CUX2: variants seen among roughly 807,000 people sequenced by gnomAD.
CUX2 encodes cut like homeobox 2.
In CUX2, 40 loss-of-function variants were observed where a neutral mutation model predicts 144.8. The ratio of observed to expected loss-of-function variants is 0.28; its 90% confidence interval spans 0.21 to 0.36. The LOEUF (loss-of-function observed/expected upper bound fraction) is 0.36. Ranked by LOEUF, CUX2 falls within the 10% of genes least tolerant of loss-of-function variation. The probability of loss-of-function intolerance (pLI) is 1.00; values close to 1 mark genes in which losing one functional copy is unlikely to be tolerated. For synonymous variants in CUX2, 827 were observed against 875.6 expected, an observed-to-expected ratio of 0.94 and a Z score of 0.98; for missense variants, 1,615 against 1,994.0, an observed-to-expected ratio of 0.81 and a Z score of 3.62.
chr12:111,060,487 C>T (rs910961873), intron 1 of CUX2, among the ~76,000 whole-genome samples: 4 of 152,240 alleles, frequency 2.6e-5, no homozygotes, highest in Non-Finnish European at 5.9e-5. Context: ...GATTGGAGTT[C>T]CTTGGCTAGT....
chr12:111,095,535 C>T (rs185047043), intron 1 of CUX2, among the ~76,000 whole-genome samples: 4 of 152,246 alleles, frequency 2.6e-5, no homozygotes, highest in Admixed American at 2.0e-4. Context: ...TGTTCTTAGG[C>T]AAGTGGTCTG....
At chr12:111,148,827 T>C (rs112794316) in intron 1 of CUX2, among the ~76,000 whole-genome samples, 1,589 of 152,158 alleles carry the variant, frequency 0.01, 34 homozygotes, top group African/African-American at 0.037. Flanking sequence ...TGAGACCCCT[T>C]CTCTAAAAAA....
At chr12:111,182,048 G>C (rs1428611553) in intron 1 of CUX2, among the ~76,000 whole-genome samples, 1 of 152,070 alleles carries the variant, frequency 6.6e-6, no homozygotes, top group African/African-American at 2.4e-5. Context: ...GGGAGGTGGG[G>C]GGACATTTGT....
chr12:111,231,642 C>T (rs944434342), intron 3 of CUX2, among the ~76,000 whole-genome samples: 1 of 152,130 alleles, frequency 6.6e-6, no homozygotes, highest in African/African-American at 2.4e-5. Flanking sequence ...CCATTTGTAT[C>T]CATGGGTTCC....
intron 1 of CUX2, among the ~76,000 whole-genome samples, chr12:111,187,178 C>T (rs900804629): frequency 2.6e-5 from 4 of 152,296 alleles, no homozygotes; most frequent in African/African-American, 9.6e-5. Context: ...CCCTTGGTGG[C>T]GTTATTCGTG....
intron 1 of CUX2, among the ~76,000 whole-genome samples, chr12:111,150,726 A>T (rs1876991862): frequency 8.2e-6 from 1 of 121,660 alleles, no homozygotes; most frequent in African/African-American, 3.2e-5. Context: ...ATCCTTCCAG[A>T]GCTGCCCAAG....
At chr12:111,131,179 G>GTT (rs1875449840) in intron 1 of CUX2, among the ~76,000 whole-genome samples, 9 of 152,282 alleles carry the variant, frequency 5.9e-5, no homozygotes, top group Middle Eastern at 3.4e-3. Flanking sequence ...GGAGGCAAAA[G>GTT]GCACTTCTTA....
intron 10 of CUX2, among the ~76,000 whole-genome samples, chr12:111,306,095 C>T (rs559864736): frequency 7.2e-5 from 11 of 152,134 alleles, no homozygotes; most frequent in Admixed American, 2.6e-4. Flanking sequence ...GAGGATGCCT[C>T]GTAGAGGAAT....
chr12:111,071,237 C>G (rs1427487480), intron 1 of CUX2, among the ~76,000 whole-genome samples: 1 of 152,108 alleles, frequency 6.6e-6, no homozygotes, highest in Non-Finnish European at 1.5e-5. Flanking sequence ...GCCTTCCCAC[C>G]AGCAATGAAT....
chr12:111,221,584 C>T (rs1185923050), intron 3 of CUX2, among the ~76,000 whole-genome samples: 3 of 152,184 alleles, frequency 2.0e-5, no homozygotes, highest in African/African-American at 2.4e-5. Flanking sequence ...ATATCATGCC[C>T]GTCATTCCTT....
chr12:111,104,265 T>TC (rs1305978816), intron 1 of CUX2, among the ~76,000 whole-genome samples: 3 of 152,008 alleles, frequency 2.0e-5, no homozygotes, highest in Non-Finnish European at 2.9e-5. Context: ...CTTTCACTCT[T>TC]CCCCCCTCAC....
chr12:111,277,179 G>A lies in CUX2; in HGVS notation c.301+13340G>A, dbSNP rs775284551. 4.6e-5 allele frequency among the ~76,000 whole-genome samples: 7 copies of A among 152,210 alleles called. No homozygotes were observed. Among genetic ancestry groups the A allele is most frequent in the Non-Finnish European group, 7.4e-5 (5 of 67,992 alleles). ...CCCAGAAACTCACATATGGAGGGCCGCAGCCCACTCTGAACCCAGCTGCCA... is the reference window on the plus strand; with the variant it reads ...CCCAGAAACTCACATATGGAGGGCCACAGCCCACTCTGAACCCAGCTGCCA... On this transcript the variant is annotated intron_variant, in intron 4 of 21. Transcript: ENST00000261726. The surrounding 1 kb of genome is among the most constrained non-coding windows in gnomAD (Gnocchi z 5.0).
intron 1 of CUX2, among the ~76,000 whole-genome samples, chr12:111,200,152 C>G (rs143620073): frequency 9.1e-4 from 139 of 152,016 alleles, no homozygotes; most frequent in Non-Finnish European, 7.2e-4. Context: ...GAGGACACCC[C>G]CTCTTGCAGC....
chr12:111,165,271 C>A (rs1240049971), intron 1 of CUX2, among the ~76,000 whole-genome samples: 2 of 152,002 alleles, frequency 1.3e-5, no homozygotes, highest in Non-Finnish European at 2.9e-5. Flanking sequence ...CTTTCTGCCC[C>A]CTGAGAAAAG....
chr12:111,238,279 T>G lies in CUX2; in HGVS notation c.222+20342T>G, dbSNP rs1882859859. 2.0e-5 allele frequency among the ~76,000 whole-genome samples: 3 copies of G among 152,362 alleles called. No homozygotes were observed. In the South Asian group the frequency reaches 6.2e-4, roughly 32 times the overall value. On this transcript the variant is annotated intron_variant, in intron 3 of 21. Coordinates refer to ENST00000261726, the MANE Select transcript of CUX2 (RefSeq NM_015267.4). ...TAACCAAAGGAAGGAGGCAGCATTT[T>G]GTAGACTGTGATGTTCCTGGGTCCC... is the stretch of plus-strand genomic sequence containing the variant.
chr12:111,135,720 G>A (rs1289197778), intron 1 of CUX2, among the ~76,000 whole-genome samples: 1 of 152,186 alleles, frequency 6.6e-6, no homozygotes, highest in Non-Finnish European at 1.5e-5. Context: ...ATTAAAAGAG[G>A]CCAGACGCAA....
intron 1 of CUX2, among the ~76,000 whole-genome samples, chr12:111,196,759 A>G (rs560750676): frequency 1.1e-4 from 17 of 152,320 alleles, no homozygotes; most frequent in Non-Finnish European, 2.5e-4. Context: ...TTGTGATTGC[A>G]TTTCATTTAA....
intron 1 of CUX2, among the ~76,000 whole-genome samples, chr12:111,084,726 A>G (rs1200389130): frequency 6.6e-6 from 1 of 152,248 alleles, no homozygotes; most frequent in Non-Finnish European, 1.5e-5. Context: ...TTTAAAAGCA[A>G]AATGGTATGA....
At chr12:111,206,850 C>A (rs376513225) in intron 1 of CUX2, among the ~76,000 whole-genome samples, 22 of 152,070 alleles carry the variant, frequency 1.4e-4, no homozygotes, top group Admixed American at 3.9e-4. Flanking sequence ...GGTGGGTAGA[C>A]ATATAATTGG....
Sources: gnomAD v4.1 joint callset for allele counts (sites outside exome capture counted in the v4.1 genomes callset) on GRCh38, gnomAD v4.1.1 for gene constraint, Gnocchi (gnomAD v3.1) non-coding constraint, MANE v1.5 for transcripts, NCBI Gene and HGNC (gene_info 2026-07-23, HGNC 2026-07-21) for gene names.